The following TOP2B variants were observed in gnomAD, a reference collection of about 807,000 sequenced individuals.
TOP2B encodes the protein DNA topoisomerase 2-beta.
TOP2B carries 51 observed loss-of-function variants against 193.5 expected under a neutral mutation model. That is an observed-to-expected ratio of 0.26 (90% CI 0.21 to 0.33). The LOEUF (loss-of-function observed/expected upper bound fraction) is 0.33, where lower values mean the gene tolerates loss of function less well. TOP2B is among the 10% of genes least tolerant of loss of function. The pLI is 1.00. For missense variants in TOP2B, 1,378 were observed against 1,909.3 expected (o/e 0.72, Z 5.19); for synonymous variants, 634 against 635.7 (o/e 1.00, Z 0.04).
chr3:25,610,360 C>G (rs1702337500), intron 28 of TOP2B, among the ~76,000 whole-genome samples: 1 of 152,032 alleles, frequency 6.6e-6, no homozygotes, highest in Non-Finnish European at 1.5e-5. Flanking sequence ...AATATAGAGG[C>G]TGGTACAGCC....
intron 21 of TOP2B, among the ~76,000 whole-genome samples, chr3:25,622,130 A>G (rs1702673143): frequency 6.6e-6 from 1 of 152,210 alleles, no homozygotes; most frequent in Non-Finnish European, 1.5e-5. Context: ...CAACTGTTTA[A>G]CTTTTCAAAG....
At position 25,640,004 on chromosome 3, in the gene TOP2B, CAAAAATGGACAGCAGAGAAAA is replaced by C. The variant is rs374191363; in HGVS notation, c.396-1715_396-1695del. Among the ~76,000 whole-genome samples, 268 of 152,210 alleles carry C rather than the reference CAAAAATGGACAGCAGAGAAAA, an allele frequency of 1.8e-3. 1 individual carries two copies. In the Middle Eastern group the frequency reaches 0.041, roughly 23 times the overall value. ...TAAAAAGAATGCAACTCAAAGGATACAAAAATGGACAGCAGAGAAAACTGGATCAACTGGATCAACAGTGCA... is the reference window on the plus strand; with the variant it reads ...TAAAAAGAATGCAACTCAAAGGATACCTGGATCAACTGGATCAACAGTGCA... On this transcript the variant is annotated intron_variant, in intron 4 of 35. Coordinates refer to ENST00000264331, the MANE Select transcript of TOP2B (RefSeq NM_001330700.2).
chr3:25,640,416 T>C (rs1703223912), intron 4 of TOP2B, among the ~76,000 whole-genome samples: 1 of 152,160 alleles, frequency 6.6e-6, no homozygotes, highest in Non-Finnish European at 1.5e-5. Flanking sequence ...TCACCTTTTC[T>C]TCTTGGAATA....
chr3:25,629,306 C>T (rs1283853668), intron 13 of TOP2B, among the ~76,000 whole-genome samples, 161 bp from the exon 14 acceptor site: 2 of 151,742 alleles, frequency 1.3e-5, no homozygotes, highest in African/African-American at 4.8e-5. Flanking sequence ...TTTTTTAATA[C>T]ACAAATAAAG....
Position 25,615,489 on chromosome 3 carries a change from G to C in TOP2B, c.3449C>G (p.Ser1150Cys), listed in dbSNP as rs1475298548. The C allele has an allele frequency of 6.3e-7, 1 of 1,577,792 alleles. No homozygotes were observed. The highest frequency in any genetic ancestry group is 1.2e-5 in the South Asian group (1 of 85,900). ...GPDFNYILNMSLWSLTKEKVE... is the reference protein window; with the variant it reads ...GPDFNYILNMCLWSLTKEKVE... ...TTTTTCTTTAGTAAGAGACCACAGA[G>C]ACATATTTAAAATATAATTAAAATC... Residue 1150 changes from serine (S) to cysteine (C), a missense_variant, in exon 26 of 36, where the codon TCT becomes TGT. Transcript: ENST00000264331.
At chr3:25,650,899 T>C (rs1703567899) in intron 1 of TOP2B, among the ~76,000 whole-genome samples, 1 of 152,214 alleles carries the variant, frequency 6.6e-6, no homozygotes, top group Non-Finnish European at 1.5e-5. Context: ...CTTCATAAAC[T>C]TGATGTTTGT....
At chr3:25,624,829 A>G in intron 18 of TOP2B, 26 bp from the exon 19 acceptor site, 1 of 1,603,522 alleles carries the variant, frequency 6.2e-7, no homozygotes, top group African/African-American at 1.3e-5. Flanking sequence ...CTCTTTTAAA[A>G]TGTTACTTCA....
chr3:25,615,543 G>C lies in TOP2B; in HGVS notation c.3395C>G (p.Ser1132Cys). 6.4e-7 allele frequency: 1 copy of C among 1,573,784 alleles called. No homozygotes were observed. Among genetic ancestry groups the C allele is most frequent in the Non-Finnish European group, 8.6e-7 (1 of 1,159,630 alleles). ...GCCTGAAGGAGTTCCTGAATCGGAG[G>C]AACTATCATCATGCTGGTTTTGTGT... is the stretch of plus-strand genomic sequence containing the variant. ...DETQNQHDDS[S>C]SDSGTPSGPD... Residue 1132 changes from serine to cysteine, a missense_variant, in exon 26 of 36, where the codon TCC becomes TGC. By Grantham distance (112) the Ser-to-Cys change is moderately radical. Around this residue, in one of 9 missense-constraint regions of TOP2B, gnomAD observed 556 missense variants for 584.2 expected, o/e 0.95. Transcript: ENST00000264331.
chr3:25,598,827 T>C (rs1241674217), intron 35 of TOP2B, among the ~76,000 whole-genome samples: 5 of 152,134 alleles, frequency 3.3e-5, no homozygotes, highest in African/African-American at 1.2e-4. Context: ...CAAGAATTCA[T>C]GGGAGGAAAC....
intron 10 of TOP2B, among the ~76,000 whole-genome samples, chr3:25,631,403 T>G (rs1250237297): frequency 6.6e-6 from 1 of 152,090 alleles, no homozygotes; most frequent in African/African-American, 2.4e-5. Context: ...ATGAATAGAC[T>G]TTTATTCTTT....
intron 1 of TOP2B, among the ~76,000 whole-genome samples, chr3:25,658,761 T>C (rs772269781): frequency 5.9e-4 from 90 of 152,318 alleles, no homozygotes; most frequent in Non-Finnish European, 1.1e-3. Flanking sequence ...TTCAAGAACA[T>C]TTCTCAGTCT....
intron 1 of TOP2B, among the ~76,000 whole-genome samples, chr3:25,661,234 G>A (rs1703900728): frequency 6.6e-6 from 1 of 152,114 alleles, no homozygotes. Context: ...CCTGACCTCA[G>A]GTGATCCGCC....
intron 1 of TOP2B, among the ~76,000 whole-genome samples, chr3:25,657,584 A>G (rs113165977): frequency 4.8e-4 from 72 of 151,370 alleles, no homozygotes; most frequent in African/African-American, 1.7e-3. Flanking sequence ...ACAGATCATA[A>G]AAGAGAGTGA....
intron 10 of TOP2B, 138 bp from the exon 11 acceptor site, chr3:25,631,077 T>C (rs1702941679): frequency 5.1e-6 from 3 of 590,200 alleles, no homozygotes; most frequent in Non-Finnish European, 8.1e-6. Context: ...GTGATAAGCA[T>C]CATGATACAT....
At chr3:25,633,770 T>C in intron 8 of TOP2B, 71 bp downstream of exon 8, 6 of 1,327,098 alleles carry the variant, frequency 4.5e-6, no homozygotes, top group Non-Finnish European at 6.0e-6. Flanking sequence ...TGGATATTGT[T>C]ATTTGTTTTG....
Position 25,598,336 on chromosome 3 carries a change from C to T in TOP2B, c.4852G>A (p.Asp1618Asn), listed in dbSNP as rs764335718. Residue 1618 changes from aspartate (D) to asparagine (N), a missense_variant, in exon 36 of 36, where the codon GAT becomes AAT. Transcript: ENST00000264331. ...TTAAACATTGCAAAATCAACATCAT[C>T]TTCTTCTTCATCAGACTCTGCAAAA... ...KYFAESDEEE[D>N]DVDFAMFN 6.2e-7 allele frequency: 1 copy of T among 1,607,942 alleles called. No individual in the cohort carries two copies. Among genetic ancestry groups the T allele is most frequent in the Admixed American group, 1.7e-5 (1 of 59,348 alleles).
At chr3:25,648,359 A>G (rs1703473289) in intron 1 of TOP2B, among the ~76,000 whole-genome samples, 1 of 152,194 alleles carries the variant, frequency 6.6e-6, no homozygotes, top group African/African-American at 2.4e-5. Flanking sequence ...CAATTAAGAA[A>G]TTACAAACCC....
rs529577438 is a variant in TOP2B, at chr3:25,628,936, T to C, written c.1817A>G (p.Gln606Arg). 1.4e-4 allele frequency: 226 copies of C among 1,598,092 alleles called. 1 individual carries two copies. The South Asian group carries it at 2.5e-3, about 18-fold the overall frequency. ...TPIVKASKNKQELSFYSIPEF... is the reference protein window; with the variant it reads ...TPIVKASKNKRELSFYSIPEF... ...AGGAATACTGTAGAAGGAAAGTTCC[T>C]GCTTATTTTTGCTTGCCTTAAATTA... The change falls in exon 15 of 36, where the codon CAG becomes CGG. Residue 606 changes from glutamine to arginine, a missense_variant. Transcript: ENST00000264331.
chr3:25,626,479 T>C lies in TOP2B; in HGVS notation c.2224+81A>G, dbSNP rs944730053. 8 of 738,116 alleles carry C rather than the reference T, an allele frequency of 1.1e-5. No individual in the cohort carries two copies. In the African/African-American group the frequency reaches 1.3e-4, roughly 12 times the overall value. 45.7% of individuals were successfully genotyped at this position (738,116 alleles called of 1,614,324 possible). A position where few individuals can be genotyped will look rare whatever the true frequency, so the allele number is the denominator to read the frequency against. On this transcript the variant is annotated intron_variant, in intron 18 of 35. Coordinates refer to ENST00000264331, the MANE Select transcript of TOP2B (RefSeq NM_001330700.2). Reference sequence around the variant, plus strand: ...GATTTAAAGTAAGAATTTTAATATGTATCATAAGGATGGCTTAAAGTACAT... The same window carrying C: ...GATTTAAAGTAAGAATTTTAATATGCATCATAAGGATGGCTTAAAGTACAT...
Sources: allele counts gnomAD v4.1 joint callset (sites outside exome capture counted in the v4.1 genomes callset), GRCh38; gene constraint gnomAD v4.1.1; regional missense constraint gnomAD v4.1.1; transcripts MANE v1.5; gene names NCBI Gene and HGNC (gene_info 2026-07-23, HGNC 2026-07-21).